The following SRGAP3 variants were observed in gnomAD, a reference collection of about 807,000 sequenced individuals.
The protein encoded by SRGAP3 is SLIT-ROBO Rho GTPase activating protein 3.
A neutral mutation model predicts 121.1 loss-of-function variants in SRGAP3; 39 were observed. The observed-to-expected ratio is 0.32, with a 90% CI of 0.25 to 0.42. SRGAP3 has a LOEUF of 0.42. SRGAP3 is among the 10% of genes least tolerant of loss of function. The pLI, the probability that SRGAP3 is intolerant of heterozygous loss-of-function variation, is 1.00. For missense variants in SRGAP3, 1,213 were observed against 1,470.6 expected (o/e 0.82, Z 2.86); for synonymous variants, 601 against 570.0 (o/e 1.05, Z -0.77).
intron 1 of SRGAP3, among the ~76,000 whole-genome samples, chr3:9,201,367 A>ATGTT (rs1457901720): frequency 6.6e-6 from 1 of 152,214 alleles, no homozygotes; most frequent in Admixed American, 6.5e-5. Flanking sequence ...GCCAAGGCAG[A>ATGTT]TGTTCAGCCA....
chr3:9,360,204 C>G (rs781673266), intron 1 of SRGAP3, among the ~76,000 whole-genome samples: 3 of 152,180 alleles, frequency 2.0e-5, no homozygotes, highest in Non-Finnish European at 4.4e-5. Context: ...GCTAGAATTA[C>G]AGGCATGAGC....
intron 1 of SRGAP3, among the ~76,000 whole-genome samples, chr3:9,197,014 A>G (rs1262768670): frequency 2.6e-5 from 4 of 152,202 alleles, no homozygotes; most frequent in Non-Finnish European, 4.4e-5. Flanking sequence ...TCCCCATTCA[A>G]AGATGCACAA....
chr3:9,101,195 G>A (rs1165966421), intron 3 of SRGAP3, among the ~76,000 whole-genome samples: 3 of 152,218 alleles, frequency 2.0e-5, no homozygotes, highest in African/African-American at 7.2e-5. Flanking sequence ...TCTAGCAGAG[G>A]CGTACAGCTG....
At chr3:9,078,985 G>A (rs1947113404) in intron 4 of SRGAP3, among the ~76,000 whole-genome samples, 1 of 152,138 alleles carries the variant, frequency 6.6e-6, no homozygotes. Context: ...CTGACCTGAG[G>A]TCCAGGCCCT....
intron 3 of SRGAP3, among the ~76,000 whole-genome samples, chr3:9,312,447 G>A (rs111610499): frequency 0.069 from 10,464 of 152,218 alleles, 828 homozygotes; most frequent in African/African-American, 0.19. Flanking sequence ...GTGAGCCACC[G>A]CACCTGGCCG....
chr3:9,258,464 C>T (rs971152109), intron 3 of SRGAP3, among the ~76,000 whole-genome samples: 22 of 152,138 alleles, frequency 1.4e-4, no homozygotes, highest in African/African-American at 5.3e-4. Flanking sequence ...TGGGTTCCCC[C>T]AGGAGCCCTG....
rs753308410 is a variant in SRGAP3, at chr3:9,010,294, T to G, written c.2227+14A>C. ...CAGGAAGAATCCCTTGTCCCCAGGA[T>G]CCCCCTCACTCACCTTCATCGCTGG... On this transcript the variant is annotated intron_variant, in intron 18 of 21. Transcript: ENST00000383836. 6.2e-7 allele frequency: 1 copy of G among 1,613,964 alleles called. No individual in the cohort carries two copies. Among genetic ancestry groups the G allele is most frequent in the South Asian group, 1.1e-5 (1 of 91,078 alleles).
At chr3:9,078,332 G>A (rs914712052) in intron 4 of SRGAP3, among the ~76,000 whole-genome samples, 1 of 152,102 alleles carries the variant, frequency 6.6e-6, no homozygotes, top group African/African-American at 2.4e-5. Context: ...CATTCAAAGT[G>A]GAGCCTGAGG....
chr3:9,288,613 T>C (rs1954822194), intron 3 of SRGAP3, among the ~76,000 whole-genome samples: 1 of 151,816 alleles, frequency 6.6e-6, no homozygotes, highest in African/African-American at 2.4e-5. Flanking sequence ...TCTCACTCTG[T>C]CACCCAGGCT....
intron 9 of SRGAP3, among the ~76,000 whole-genome samples, chr3:9,052,328 A>G (rs1945617567): frequency 6.6e-6 from 1 of 152,220 alleles, no homozygotes; most frequent in South Asian, 2.1e-4. Flanking sequence ...GGTAATACCA[A>G]AAGCCAGGCA....
At position 9,178,923 on chromosome 3, in the gene SRGAP3, G is replaced by T. The variant is rs533412059; in HGVS notation, c.68-54006C>A. On this transcript the variant is annotated intron_variant, in intron 1 of 21. Coordinates refer to ENST00000383836, the MANE Select transcript of SRGAP3 (RefSeq NM_014850.4). The stretch of plus-strand genomic sequence containing the variant: ...CCCTCAGGCCACAGCTGCAACGGTT[G>T]CCCAAACCAACTTCACCTCCTTTGC... Among the ~76,000 whole-genome samples the T allele has an allele frequency of 1.9e-3, 284 of 152,302 alleles. 1 individual carries two copies. The highest frequency in any genetic ancestry group is 6.4e-3 in the African/African-American group (264 of 41,562).
At chr3:9,354,535 A>C (rs905301751) in intron 1 of SRGAP3, among the ~76,000 whole-genome samples, 1 of 152,032 alleles carries the variant, frequency 6.6e-6, no homozygotes, top group African/African-American at 2.4e-5. Context: ...AAAAAAAATT[A>C]GCCGGACATG....
intron 1 of SRGAP3, among the ~76,000 whole-genome samples, chr3:9,248,283 C>CA (rs1953898253): frequency 6.6e-6 from 1 of 152,188 alleles, no homozygotes; most frequent in African/African-American, 2.4e-5. Context: ...TTTTTATGCC[C>CA]AAATGCCTGC....
intron 3 of SRGAP3, among the ~76,000 whole-genome samples, chr3:9,319,082 A>C (rs1955399130): frequency 6.6e-6 from 1 of 151,918 alleles, no homozygotes; most frequent in Non-Finnish European, 1.5e-5. Flanking sequence ...CACACATATT[A>C]GTATTTTAGA....
At chr3:9,319,961 T>C (rs1955413198) in intron 3 of SRGAP3, among the ~76,000 whole-genome samples, 2 of 151,908 alleles carry the variant, frequency 1.3e-5, no homozygotes, top group South Asian at 4.2e-4. Flanking sequence ...CTAGCAGCCT[T>C]CTTCTGAGAA....
chr3:9,065,659 C>T (rs545368565), intron 4 of SRGAP3: 3 of 152,220 alleles, frequency 2.0e-5, no homozygotes, highest in East Asian at 3.9e-4. Context: ...CTGATGGTGC[C>T]GTACATATCA....
upstream of SRGAP3, among the ~76,000 whole-genome samples, chr3:9,254,196 C>T (rs1455130342): frequency 2.0e-5 from 3 of 152,068 alleles, no homozygotes; most frequent in African/African-American, 7.3e-5. Flanking sequence ...TAGAAACAAC[C>T]CAAATGTTGT....
chr3:9,303,949 G>GT (rs1955112346), intron 3 of SRGAP3, among the ~76,000 whole-genome samples: 1 of 151,150 alleles, frequency 6.6e-6, no homozygotes, highest in South Asian at 2.1e-4. Flanking sequence ...TGAGACTTGA[G>GT]TAAGTACTCC....
intron 3 of SRGAP3, among the ~76,000 whole-genome samples, chr3:9,282,834 A>T (rs1954704924): frequency 1.3e-5 from 2 of 152,316 alleles, no homozygotes; most frequent in South Asian, 4.1e-4. Flanking sequence ...GATCTCACAC[A>T]GATAAATATA....
Sources: allele counts gnomAD v4.1 joint callset (sites outside exome capture counted in the v4.1 genomes callset), GRCh38; gene constraint gnomAD v4.1.1; transcripts MANE v1.5; gene names NCBI Gene and HGNC (gene_info 2026-07-23, HGNC 2026-07-21).